MAOB: variants seen among roughly 807,000 people sequenced by gnomAD.
MAOB encodes monoamine oxidase B.
A neutral mutation model predicts 41.9 loss-of-function variants in MAOB; 15 were observed. That is an observed-to-expected ratio of 0.36 (90% CI 0.24 to 0.55). MAOB has a LOEUF of 0.55. Ranked by LOEUF, MAOB falls within the 20% of genes least tolerant of loss-of-function variation. The pLI is 0.86. For synonymous variants in MAOB, 167 were observed against 144.2 expected, an observed-to-expected ratio of 1.16 and a Z score of -1.13; for missense variants, 345 against 398.7, an observed-to-expected ratio of 0.87 and a Z score of 1.15.
chrX:43,840,089 A>G (rs2035116308), intron 2 of MAOB, among the ~76,000 whole-genome samples: 1 of 112,311 alleles, frequency 8.9e-6, no homozygotes, highest in African/African-American at 3.2e-5. Flanking sequence ...GGAACACATA[A>G]TGGCAAAAAC....
rs1020165467 is a variant in MAOB at position 43,848,087 on chromosome X, G to C, written c.47-4323C>G. The stretch of plus-strand genomic sequence containing the variant: ...AAATCAGTGATGTACAACATGATTA[G>C]CATTCTGCACTTTTAGTTTTTTGCC... On this transcript the variant is annotated intron_variant, in intron 1 of 14. Transcript: ENST00000378069. Among the ~76,000 whole-genome samples, 3 of 112,149 alleles carry C rather than the reference G, an allele frequency of 2.7e-5. No individual in the cohort carries two copies. The East Asian group carries it at 8.4e-4, about 31-fold the overall frequency.
chrX:43,837,668 A>G (rs1428150239), intron 3 of MAOB, among the ~76,000 whole-genome samples: 1 of 112,662 alleles, frequency 8.9e-6, no homozygotes, highest in Non-Finnish European at 1.9e-5. Context: ...TAATATGAGG[A>G]TGTCAAAATT....
At chrX:43,768,583 A>C in intron 14 of MAOB, 71 bp downstream of exon 14, 1 of 858,174 alleles carries the variant, frequency 1.2e-6, no homozygotes. Context: ...AATATATACA[A>C]GTGTGCTCTT....
At chrX:43,775,670 A>T (rs2034246284) in intron 11 of MAOB, among the ~76,000 whole-genome samples, 1 of 112,169 alleles carries the variant, frequency 8.9e-6, no homozygotes, top group South Asian at 3.7e-4. Context: ...TCTGTTGAAG[A>T]AAAAGGATTA....
At position 43,766,717 on chromosome X, in the gene MAOB, A is replaced by G. The variant is rs1417574180; in HGVS notation, c.*749T>C. The G allele has an allele frequency of 1.8e-5, 2 of 112,122 alleles. No homozygotes were observed. The highest frequency in any genetic ancestry group is 5.6e-4 in the East Asian group (2 of 3,581). 9.2% of individuals were successfully genotyped at this position (112,122 alleles called of 1,213,427 possible). A position where few individuals can be genotyped will look rare whatever the true frequency, so the allele number is the denominator to read the frequency against. On this transcript the variant is annotated 3_prime_UTR_variant, in exon 15 of 15. Transcript: ENST00000378069. The stretch of plus-strand genomic sequence containing the variant: ...GAAGAGATAAAATTTCTACCATCAA[A>G]AAAGTTAAAATCAGCTGGAGACACA...
chrX:43,876,132 G>C (rs1049507243), intron 1 of MAOB, among the ~76,000 whole-genome samples: 1 of 110,655 alleles, frequency 9.0e-6, no homozygotes, highest in Non-Finnish European at 1.9e-5. Flanking sequence ...GCTAATTTTT[G>C]TATTTTTAGT....
intron 3 of MAOB, among the ~76,000 whole-genome samples, chrX:43,808,585 C>T (rs2034697789): frequency 9.0e-6 from 1 of 110,774 alleles, no homozygotes. Context: ...AGTTAACTAA[C>T]TAACCATGAC....
chrX:43,862,644 T>G (rs1449277926), intron 1 of MAOB, among the ~76,000 whole-genome samples: 1 of 112,145 alleles, frequency 8.9e-6, no homozygotes, highest in East Asian at 2.8e-4. Context: ...GCCATACACC[T>G]GGGTGTGAAA....
Position 43,766,665 on chromosome X carries a change from A to G in MAOB, c.*801T>C, listed in dbSNP as rs149564601. Reference sequence around the variant, plus strand: ...CCAAGTGTGTACTGTCCTTTGTATGAAGATACAATGGAGGATACAAAAGGA... The same window carrying G: ...CCAAGTGTGTACTGTCCTTTGTATGGAGATACAATGGAGGATACAAAAGGA... On this transcript the variant is annotated 3_prime_UTR_variant, in exon 15 of 15. Transcript: ENST00000378069. 2.8e-4 allele frequency: 31 copies of G among 112,168 alleles called. No individual in the cohort carries two copies. The highest frequency in any genetic ancestry group is 9.1e-4 in the African/African-American group (28 of 30,876). 9.2% of individuals were successfully genotyped at this position (112,168 alleles called of 1,213,427 possible). A position where few individuals can be genotyped will look rare whatever the true frequency, so the allele number is the denominator to read the frequency against.
chrX:43,867,014 AC>A (rs1476592273), intron 1 of MAOB, among the ~76,000 whole-genome samples: 6 of 112,727 alleles, frequency 5.3e-5, no homozygotes, highest in Non-Finnish European at 1.1e-4. Context: ...CATTAGCCCC[AC>A]CCGCACTGCT....
intron 1 of MAOB, among the ~76,000 whole-genome samples, chrX:43,878,332 C>G (rs1394133193): frequency 9.1e-6 from 1 of 109,986 alleles, no homozygotes; most frequent in Non-Finnish European, 1.9e-5. Context: ...GCCTCGAGCT[C>G]CTGGACTCAA....
intron 3 of MAOB, among the ~76,000 whole-genome samples, chrX:43,830,964 G>A (rs887023777): frequency 9.3e-6 from 1 of 107,906 alleles, no homozygotes; most frequent in African/African-American, 3.4e-5. Flanking sequence ...TAAATAACGT[G>A]GCCAAGGACA....
chrX:43,831,491 A>G (rs2035019405), intron 3 of MAOB, among the ~76,000 whole-genome samples: 1 of 111,181 alleles, frequency 9.0e-6, no homozygotes, highest in Admixed American at 9.6e-5. Flanking sequence ...TCTACAAGAT[A>G]GAAAAATGAA....
At chrX:43,781,374 G>T in intron 9 of MAOB, 74 bp downstream of exon 9, 2 of 566,421 alleles carry the variant, frequency 3.5e-6, no homozygotes, top group South Asian at 1.4e-4. Flanking sequence ...CAAAGTTTGG[G>T]GCACATTTGT....
intron 12 of MAOB, among the ~76,000 whole-genome samples, chrX:43,772,503 A>C (rs191050255): frequency 8.4e-4 from 94 of 111,971 alleles, no homozygotes; most frequent in African/African-American, 2.8e-3. Flanking sequence ...CTTCTGATTT[A>C]AAACAAAGCC....
At chrX:43,824,810 G>A (rs1488545131) in intron 3 of MAOB, among the ~76,000 whole-genome samples, 2 of 113,415 alleles carry the variant, frequency 1.8e-5, no homozygotes, top group African/African-American at 3.2e-5. Flanking sequence ...CCATGTGCAC[G>A]TGCACACACA....
intron 11 of MAOB, among the ~76,000 whole-genome samples, chrX:43,775,999 G>T (rs934922098): frequency 5.3e-5 from 6 of 112,460 alleles, no homozygotes; most frequent in Non-Finnish European, 1.1e-4. Context: ...CAATCACACA[G>T]CTGACTTTGG....
chrX:43,833,801 C>A (rs1285933506), intron 3 of MAOB, among the ~76,000 whole-genome samples: 2 of 111,617 alleles, frequency 1.8e-5, no homozygotes, highest in Non-Finnish European at 3.8e-5. Flanking sequence ...ATTTTAAGTT[C>A]CAAATGGAAA....
At chrX:43,854,505 C>A (rs1246549296) in intron 1 of MAOB, among the ~76,000 whole-genome samples, 1 of 110,655 alleles carries the variant, frequency 9.0e-6, no homozygotes, top group East Asian at 2.8e-4. Flanking sequence ...CACACCGGGG[C>A]CTGTAAGGGG....
Sources: gnomAD v4.1 joint callset for allele counts (sites outside exome capture counted in the v4.1 genomes callset) on GRCh38, gnomAD v4.1.1 for gene constraint, MANE v1.5 for transcripts, NCBI Gene and HGNC (gene_info 2026-07-23, HGNC 2026-07-21) for gene names.